Variants in CLIC2 observed in about 807,000 individuals in gnomAD.
CLIC2 encodes CLIC family member 2.
A neutral mutation model predicts 14.8 loss-of-function variants in CLIC2; 9 were observed. The observed-to-expected ratio is 0.61, with a 90% confidence interval of 0.37 to 1.06. The LOEUF is 1.06. Ranked by LOEUF, CLIC2 falls within the 50% of genes least tolerant of loss-of-function variation. The probability of loss-of-function intolerance (pLI) is 0.01; values close to 1 mark genes in which losing one functional copy is unlikely to be tolerated. For missense variants in CLIC2, 148 were observed against 181.4 expected, an observed-to-expected ratio of 0.82 and a Z score of 1.06; for synonymous variants, 61 against 66.3, an observed-to-expected ratio of 0.92 and a Z score of 0.39.
At chrX:155,290,093 T>A (rs1557317437) in intron 3 of CLIC2, among the ~76,000 whole-genome samples, 3 of 112,354 alleles carry the variant, frequency 2.7e-5, no homozygotes, top group African/African-American at 9.7e-5. Context: ...TTAACAAGTA[T>A]GTGAAAGTGT....
intron 3 of CLIC2, chrX:155,290,931 G>T: frequency 1.4e-6 from 1 of 700,423 alleles, no homozygotes; most frequent in Non-Finnish European, 2.3e-6. Context: ...TTCCTCAGCT[G>T]CAGTCAGTGG....
chrX:155,279,878 T>C (rs1557316232), intron 4 of CLIC2, 84 bp downstream of exon 4: 1 of 647,670 alleles, frequency 1.5e-6, no homozygotes, highest in Non-Finnish European at 2.5e-6. Flanking sequence ...CAAAATATAC[T>C]ATATATTCAG....
At chrX:155,282,223 T>C (rs1181256042) in intron 3 of CLIC2, among the ~76,000 whole-genome samples, 4 of 111,895 alleles carry the variant, frequency 3.6e-5, no homozygotes, top group Admixed American at 9.5e-5. Flanking sequence ...TTCATGGGTA[T>C]CTCTTTCTAA....
chrX:155,305,122 T>A (rs781845644), intron 1 of CLIC2, among the ~76,000 whole-genome samples: 28 of 112,226 alleles, frequency 2.5e-4, no homozygotes, highest in Non-Finnish European at 4.7e-4. Context: ...TTCGAGCTTC[T>A]GGGCTGCTTT....
intron 1 of CLIC2, among the ~76,000 whole-genome samples, chrX:155,316,611 G>A (rs1347042839): frequency 9.0e-6 from 1 of 110,509 alleles, no homozygotes; most frequent in Admixed American, 9.7e-5. Flanking sequence ...CAGCAAAAGT[G>A]GCTGTATTTG....
intron 3 of CLIC2, among the ~76,000 whole-genome samples, chrX:155,295,100 T>G (rs782122884): frequency 4.5e-5 from 5 of 111,537 alleles, no homozygotes; most frequent in African/African-American, 1.6e-4. Context: ...CTGATGAACA[T>G]AGATACAAAA....
intron 3 of CLIC2, among the ~76,000 whole-genome samples, chrX:155,287,357 A>G (rs1200738593): frequency 9.0e-6 from 1 of 110,953 alleles, no homozygotes; most frequent in African/African-American, 3.3e-5. Flanking sequence ...CTTTTGAGAC[A>G]GAGTTTCACT....
At chrX:155,319,421 G>T (rs1557321386) in intron 1 of CLIC2, among the ~76,000 whole-genome samples, 1 of 111,838 alleles carries the variant, frequency 8.9e-6, no homozygotes, top group African/African-American at 3.3e-5. Flanking sequence ...GCCAAAGCAG[G>T]GTGGGGCGTC....
At chrX:155,314,149 G>A (rs970256141) in intron 1 of CLIC2, among the ~76,000 whole-genome samples, 1 of 110,603 alleles carries the variant, frequency 9.0e-6, no homozygotes, top group Non-Finnish European at 1.9e-5. Flanking sequence ...GAGCTCTATG[G>A]CTCTGCCCAC....
chrX:155,296,570 T>G (rs2074992801), intron 3 of CLIC2, among the ~76,000 whole-genome samples: 1 of 111,438 alleles, frequency 9.0e-6, no homozygotes, highest in Non-Finnish European at 1.9e-5. Flanking sequence ...AGAGACAACC[T>G]TTTGAATGAG....
At chrX:155,307,812 G>T (rs1265847023) in intron 1 of CLIC2, among the ~76,000 whole-genome samples, 1 of 111,417 alleles carries the variant, frequency 9.0e-6, no homozygotes, top group Non-Finnish European at 1.9e-5. Flanking sequence ...TGGAGGCAGA[G>T]GTTGCAGTGA....
intron 1 of CLIC2, among the ~76,000 whole-genome samples, chrX:155,326,830 A>G (rs1557322381): frequency 9.0e-6 from 1 of 111,671 alleles, no homozygotes; most frequent in African/African-American, 3.3e-5. Context: ...AAAAAAAGAC[A>G]ATCCCAAAAG....
intron 1 of CLIC2, among the ~76,000 whole-genome samples, chrX:155,305,244 TG>T (rs2075048675): frequency 8.9e-6 from 1 of 112,264 alleles, no homozygotes; most frequent in Non-Finnish European, 1.9e-5. Context: ...TCCGTGGGCG[TG>T]GGACCCTCCG....
chrX:155,321,647 C>A, intron 1 of CLIC2, among the ~76,000 whole-genome samples: 1 of 98,988 alleles, frequency 1.0e-5, no homozygotes, highest in African/African-American at 3.7e-5. Context: ...TGTGAAGAAA[C>A]TGCAACAACT....
rs782818218 is a variant in CLIC2 at position 155,278,724 on chromosome X, C to T, written c.582+425G>A. Reference sequence around the variant, plus strand: ...CCAAGGCAGGCGGATCACTTGAGCCCAGGAGTTCAAGACGAGCCTGTGCAA... The same window carrying T: ...CCAAGGCAGGCGGATCACTTGAGCCTAGGAGTTCAAGACGAGCCTGTGCAA... On this transcript the variant is annotated intron_variant, in intron 5 of 5. Transcript: ENST00000369449. 5.0e-3 allele frequency: 607 copies of T among 122,007 alleles called. 1 individual carries two copies. The highest frequency in any genetic ancestry group is 7.6e-3 in the Non-Finnish European group (455 of 59,594). 10.1% of individuals were successfully genotyped at this position (122,007 alleles called of 1,213,427 possible).
chrX:155,300,507 T>C (rs1270824037), intron 1 of CLIC2, among the ~76,000 whole-genome samples: 1 of 111,349 alleles, frequency 9.0e-6, no homozygotes, highest in African/African-American at 3.3e-5. Flanking sequence ...GTTGCGAAAA[T>C]TTTCTCCCAT....
intron 3 of CLIC2, among the ~76,000 whole-genome samples, chrX:155,296,268 C>T (rs990588025): frequency 3.6e-5 from 4 of 111,833 alleles, no homozygotes; most frequent in African/African-American, 1.3e-4. Flanking sequence ...GGAAAGGACA[C>T]CTTTTTCAAT....
chrX:155,291,907 C>T (rs376740705), intron 3 of CLIC2, among the ~76,000 whole-genome samples: 18 of 112,058 alleles, frequency 1.6e-4, no homozygotes, highest in African/African-American at 5.8e-4. Context: ...GCGCTGCCGC[C>T]GCCGCAGGAC....
At chrX:155,318,723 A>G (rs2075103229) in intron 1 of CLIC2, among the ~76,000 whole-genome samples, 1 of 112,189 alleles carries the variant, frequency 8.9e-6, no homozygotes, top group Non-Finnish European at 1.9e-5. Flanking sequence ...TCTAAAATTC[A>G]TATGAAACCA....
Sources: gnomAD v4.1 joint callset for allele counts (sites outside exome capture counted in the v4.1 genomes callset) on GRCh38, gnomAD v4.1.1 for gene constraint, MANE v1.5 for transcripts, NCBI Gene and HGNC (gene_info 2026-07-23, HGNC 2026-07-21) for gene names.